The following TBC1D32 variants were observed in gnomAD, a reference collection of about 807,000 sequenced individuals.
The protein encoded by TBC1D32 is protein broad-minded.
Under a neutral mutation model 170.3 loss-of-function variants are expected in TBC1D32, and 151 were observed. That is an observed-to-expected ratio of 0.89 (90% confidence interval 0.78 to 1.01). The LOEUF (loss-of-function observed/expected upper bound fraction) is 1.01. Among genes scored for constraint, TBC1D32 ranks in the 50% least tolerant of loss-of-function variants. TBC1D32 has a pLI of 0.00. For synonymous variants in TBC1D32, 498 were observed against 488.0 expected (o/e 1.02, Z -0.27); for missense variants, 1,464 against 1,457.1 (o/e 1.00, Z -0.08).
chr6:121,161,329 C>G (rs1223111362), intron 22 of TBC1D32, among the ~76,000 whole-genome samples: 1 of 152,126 alleles, frequency 6.6e-6, no homozygotes, highest in South Asian at 2.1e-4. Context: ...ATGAGCTATT[C>G]TTTCTGATGC....
rs1387372197 is a variant in TBC1D32, at chr6:121,145,648, G to A, written c.2774-13896C>T. 1.3e-5 allele frequency among the ~76,000 whole-genome samples: 2 copies of A among 152,114 alleles called. 1 individual carries two copies. Among genetic ancestry groups the A allele is most frequent in the South Asian group, 4.1e-4 (2 of 4,834 alleles). ...AATAAGCATGTGAGATTATGCATAT[G>A]TTAATTGGCTGAATTTAGCCATTCC... On this transcript the variant is annotated intron_variant, in intron 24 of 31. Transcript: ENST00000398212.
At chr6:121,190,048 T>G (rs1789739435) in intron 22 of TBC1D32, among the ~76,000 whole-genome samples, 1 of 146,976 alleles carries the variant, frequency 6.8e-6, no homozygotes, top group Non-Finnish European at 1.5e-5. Context: ...CTATATAATT[T>G]CTTTCTTTCT....
At chr6:121,126,581 G>GC in intron 25 of TBC1D32, 120 bp from the exon 26 acceptor site, 8 of 637,026 alleles carry the variant, frequency 1.3e-5, no homozygotes, top group South Asian at 8.6e-5. Context: ...CACTCTAAGG[G>GC]AGTTCAATTC....
intron 20 of TBC1D32, among the ~76,000 whole-genome samples, chr6:121,230,397 T>C (rs921353398): frequency 6.6e-6 from 1 of 152,088 alleles, no homozygotes; most frequent in African/African-American, 2.4e-5. Flanking sequence ...CTAAAGGTTA[T>C]TGGTAAATAT....
intron 22 of TBC1D32, among the ~76,000 whole-genome samples, chr6:121,180,350 T>C (rs1245351959): frequency 1.3e-5 from 2 of 152,070 alleles, no homozygotes; most frequent in East Asian, 3.9e-4. Context: ...CTATAGTAAC[T>C]AAAATGAAGT....
chr6:121,273,164 C>A (rs1363634828), intron 15 of TBC1D32, among the ~76,000 whole-genome samples: 1 of 151,628 alleles, frequency 6.6e-6, no homozygotes, highest in African/African-American at 2.4e-5. Context: ...ATGTAAATGA[C>A]AAGTTAATGG....
At chr6:121,270,197 A>C (rs1396755683) in intron 15 of TBC1D32, among the ~76,000 whole-genome samples, 1 of 152,194 alleles carries the variant, frequency 6.6e-6, no homozygotes, top group Non-Finnish European at 1.5e-5. Flanking sequence ...ATCACAATTA[A>C]AAGAACTAGA....
rs540468232 is a variant in TBC1D32 at position 121,136,099 on chromosome 6, A to G, written c.2774-4347T>C. Among the ~76,000 whole-genome samples, 5 of 152,334 alleles carry G rather than the reference A, an allele frequency of 3.3e-5. No individual in the cohort carries two copies. In the South Asian group the frequency reaches 1.0e-3, roughly 32 times the overall value. On this transcript the variant is annotated intron_variant, in intron 24 of 31. Transcript: ENST00000398212. ...TTGCAGATACATCAATTAACAGATTAATAGACACAGATTCACAAAAGATTG... is the reference window on the plus strand; with the variant it reads ...TTGCAGATACATCAATTAACAGATTGATAGACACAGATTCACAAAAGATTG...
chr6:121,235,324 C>G (rs888278720), intron 20 of TBC1D32, among the ~76,000 whole-genome samples: 2 of 152,068 alleles, frequency 1.3e-5, no homozygotes, highest in Non-Finnish European at 2.9e-5. Context: ...GAGATTATGA[C>G]CTTTGTCTTC....
intron 31 of TBC1D32, among the ~76,000 whole-genome samples, chr6:121,085,603 T>C (rs1228485668): frequency 1.3e-5 from 2 of 151,874 alleles, no homozygotes; most frequent in Non-Finnish European, 2.9e-5. Context: ...TCAAGCTACT[T>C]AAGATTTTCT....
At chr6:121,122,266 C>T (rs1321155286) in intron 26 of TBC1D32, among the ~76,000 whole-genome samples, 3 of 152,040 alleles carry the variant, frequency 2.0e-5, no homozygotes, top group Non-Finnish European at 2.9e-5. Flanking sequence ...TTTCAATAGC[C>T]TCTTAACTCA....
At chr6:121,277,011 A>G (rs2128438510) in intron 15 of TBC1D32, among the ~76,000 whole-genome samples, 1 of 152,336 alleles carries the variant, frequency 6.6e-6, no homozygotes, top group South Asian at 2.1e-4. Flanking sequence ...GCAGGATGTC[A>G]GTAAGGACAA....
At position 121,304,763 on chromosome 6, in the gene TBC1D32, G is replaced by C; in HGVS notation, c.761C>G (p.Thr254Arg). The C allele has an allele frequency of 6.2e-7, 1 of 1,602,416 alleles. No individual in the cohort carries two copies. The highest frequency in any genetic ancestry group is 2.2e-5 in the East Asian group (1 of 44,710). ...SPLHMTKEIY[T>R]SLAKYLESYF... is the part of the protein sequence containing the mutation. ...TGTTTTCACAAACATACCTAAGCTT[G>C]TATAAATTTCCTTGGTCATATGTAA... The change falls in exon 6 of 32, where the codon ACA becomes AGA. Residue 254 changes from threonine (T) to arginine (R), a missense_variant. Thr to Arg is a moderately conservative substitution (Grantham distance 71). Transcript: ENST00000398212.
chr6:121,282,328 A>G (rs927941958), intron 13 of TBC1D32, among the ~76,000 whole-genome samples: 1 of 151,752 alleles, frequency 6.6e-6, no homozygotes, highest in African/African-American at 2.4e-5. Flanking sequence ...AGTTTCATAA[A>G]TTGACAAATT....
intron 3 of TBC1D32, among the ~76,000 whole-genome samples, chr6:121,312,615 AG>A (rs1341751719): frequency 3.3e-5 from 5 of 152,202 alleles, no homozygotes; most frequent in Non-Finnish European, 7.3e-5. Context: ...TTTACAGCTA[AG>A]GAACCAGCTT....
intron 14 of TBC1D32, among the ~76,000 whole-genome samples, chr6:121,280,154 A>G (rs1398382672): frequency 6.6e-6 from 1 of 151,730 alleles, no homozygotes; most frequent in Non-Finnish European, 1.5e-5. Flanking sequence ...CCTATTAAAT[A>G]TCTTTCTTAA....
intron 21 of TBC1D32, among the ~76,000 whole-genome samples, chr6:121,211,820 C>G (rs115629877): frequency 6.6e-6 from 1 of 152,256 alleles, no homozygotes; most frequent in Non-Finnish European, 1.5e-5. Flanking sequence ...CTTGACCACA[C>G]CCTGGAGCCC....
chr6:121,106,226 T>A, intron 29 of TBC1D32, 63 bp from the exon 30 acceptor site: 1 of 1,041,902 alleles, frequency 9.6e-7, no homozygotes, highest in Non-Finnish European at 1.2e-6. Context: ...ATAGATCATT[T>A]AAAATAATCC....
intron 22 of TBC1D32, among the ~76,000 whole-genome samples, chr6:121,191,162 C>T (rs1008567388): frequency 6.6e-6 from 1 of 152,100 alleles, no homozygotes; most frequent in African/African-American, 2.4e-5. Flanking sequence ...GATATATACA[C>T]ATATCTGCAT....
Sources: gnomAD v4.1 joint callset for allele counts (sites outside exome capture counted in the v4.1 genomes callset) on GRCh38, gnomAD v4.1.1 for gene constraint, MANE v1.5 for transcripts, NCBI Gene and HGNC (gene_info 2026-07-23, HGNC 2026-07-21) for gene names.